MTRF1: variants seen among roughly 807,000 people sequenced by gnomAD.
The protein encoded by MTRF1 is peptide chain release factor 1, mitochondrial.
In MTRF1, 51 loss-of-function variants were observed where a neutral mutation model predicts 62.9. The observed-to-expected ratio is 0.81, with a 90% CI of 0.65 to 1.02. The LOEUF (loss-of-function observed/expected upper bound fraction) is 1.02, where lower values mean the gene tolerates loss of function less well. MTRF1 is among the 50% of genes least tolerant of loss of function. MTRF1 has a pLI of 0.00. For synonymous variants in MTRF1, 158 were observed against 181.9 expected, an observed-to-expected ratio of 0.87 and a Z score of 1.06; for missense variants, 446 against 530.0, an observed-to-expected ratio of 0.84 and a Z score of 1.56.
intron 2 of MTRF1, chr13:41,257,627 A>T (rs1409723219): frequency 4.9e-6 from 1 of 204,782 alleles, no homozygotes; most frequent in Non-Finnish European, 1.1e-5. Flanking sequence ...GTGAGACCTC[A>T]TCTTTACTAA....
At chr13:41,253,098 C>A in intron 3 of MTRF1, 68 bp from the exon 4 acceptor site, 1 of 1,186,308 alleles carries the variant, frequency 8.4e-7, no homozygotes, top group Non-Finnish European at 1.2e-6. Flanking sequence ...AAATAAAGGC[C>A]CGAAAAACAT....
At position 41,240,341 on chromosome 13, in the gene MTRF1, G is replaced by A. The variant is rs780072295; in HGVS notation, c.790C>T (p.Pro264Ser). ...ATCCTTGAGGACAGGCCCACCTCGG[G>A]GATGCGCTGAACTCGGTGAATCCCA... is the stretch of plus-strand genomic sequence containing the variant. ...EGGIHRVQRI[P>S]EVGLSSRMQR... The change falls in exon 6 of 10, where the codon CCC (proline) becomes TCC (serine). Residue 264 changes from proline (P) to serine (S), a missense_variant. Pro to Ser is a moderately conservative substitution (Grantham distance 74). Transcript: ENST00000379480. 3 of 1,613,958 alleles carry A rather than the reference G, an allele frequency of 1.9e-6. No individual in the cohort carries two copies. The highest frequency in any genetic ancestry group is 3.3e-5 in the Admixed American group (2 of 60,012).
At chr13:41,289,932 T>A in the MTRF1 span, among the ~76,000 whole-genome samples, 1 of 152,156 alleles carries the variant, frequency 6.6e-6, no homozygotes, top group Non-Finnish European at 1.5e-5. Flanking sequence ...CTTCTTCAAG[T>A]ATCTCAACAA....
At chr13:41,297,898 C>T in the MTRF1 span, among the ~76,000 whole-genome samples, 1 of 152,056 alleles carries the variant, frequency 6.6e-6, no homozygotes, top group Non-Finnish European at 1.5e-5. Flanking sequence ...TAAAACTGTT[C>T]ACTATTTAAC....
chr13:41,280,821 C>G, the MTRF1 span, among the ~76,000 whole-genome samples: 1 of 152,080 alleles, frequency 6.6e-6, no homozygotes, highest in Non-Finnish European at 1.5e-5. Flanking sequence ...AAGGTACAAC[C>G]CATCTCCATC....
chr13:41,274,208 A>G, the MTRF1 span, among the ~76,000 whole-genome samples: 1 of 152,208 alleles, frequency 6.6e-6, no homozygotes, highest in African/African-American at 2.4e-5. Flanking sequence ...TTTTGGTTAC[A>G]AGGAAGTAGG....
chr13:41,276,165 T>C, the MTRF1 span, among the ~76,000 whole-genome samples: 66 of 151,726 alleles, frequency 4.3e-4, no homozygotes, highest in Non-Finnish European at 8.4e-4. Flanking sequence ...ATTCTCTTCA[T>C]CTAATCAGTT....
At chr13:41,240,215 A>G in intron 6 of MTRF1, 46 bp downstream of exon 6, 1 of 1,532,558 alleles carries the variant, frequency 6.5e-7, no homozygotes, top group Non-Finnish European at 8.8e-7. Flanking sequence ...CCAGCACAAT[A>G]CCCGTTGACA....
intron 2 of MTRF1, among the ~76,000 whole-genome samples, chr13:41,256,460 G>A (rs2039739372): frequency 6.6e-6 from 1 of 151,828 alleles, no homozygotes; most frequent in African/African-American, 2.4e-5. Context: ...CCGAGTAGTT[G>A]AGATTACAGG....
chr13:41,274,692 A>ATAATAT, the MTRF1 span, among the ~76,000 whole-genome samples: 1 of 150,068 alleles, frequency 6.7e-6, no homozygotes, highest in African/African-American at 2.5e-5. Flanking sequence ...AATAATAATA[A>ATAATAT]TATTATTTTT....
At chr13:41,229,854 A>T (rs931099718) in intron 7 of MTRF1, among the ~76,000 whole-genome samples, 1 of 152,180 alleles carries the variant, frequency 6.6e-6, no homozygotes, top group Admixed American at 6.5e-5. Flanking sequence ...TAATCCCAGC[A>T]CTTTGGGAGG....
chr13:41,260,381 T>TG, intron 2 of MTRF1, 112 bp downstream of exon 2: 1 of 1,081,022 alleles, frequency 9.3e-7, no homozygotes, highest in Non-Finnish European at 1.3e-6. Flanking sequence ...AAGACTAAGT[T>TG]CAATAAAGCT....
chr13:41,286,338 GA>G, the MTRF1 span, among the ~76,000 whole-genome samples: 1 of 152,172 alleles, frequency 6.6e-6, no homozygotes, highest in African/African-American at 2.4e-5. Context: ...ATTCTAGCCA[GA>G]ACACTTGATC....
At chr13:41,305,019 A>G in the MTRF1 span, among the ~76,000 whole-genome samples, 1 of 152,244 alleles carries the variant, frequency 6.6e-6, no homozygotes, top group Admixed American at 6.5e-5. Flanking sequence ...CACAGAAGCC[A>G]AATCTTAAGT....
chr13:41,294,813 G>A, the MTRF1 span, among the ~76,000 whole-genome samples: 1 of 152,058 alleles, frequency 6.6e-6, no homozygotes, highest in Non-Finnish European at 1.5e-5. Context: ...TGATCAGGTT[G>A]GCTATAATTA....
the MTRF1 span, among the ~76,000 whole-genome samples, chr13:41,309,226 G>A: frequency 6.6e-6 from 1 of 151,792 alleles, no homozygotes; most frequent in Non-Finnish European, 1.5e-5. Flanking sequence ...TGCCCAGGCT[G>A]GAGTGCAGTG....
the MTRF1 span, among the ~76,000 whole-genome samples, chr13:41,308,371 CT>C: frequency 6.6e-6 from 1 of 152,190 alleles, no homozygotes; most frequent in African/African-American, 2.4e-5. Context: ...CAAGTGAGGG[CT>C]TGACTGACGC....
rs1478855460 is a variant in MTRF1 at position 41,217,054 on chromosome 13, G to T, written c.*61C>A. The T allele has an allele frequency of 7.9e-6, 7 of 885,132 alleles. No individual in the cohort carries two copies. The highest frequency in any genetic ancestry group is 1.2e-5 in the Non-Finnish European group (7 of 572,334). 54.8% of individuals were successfully genotyped at this position (885,132 alleles called of 1,614,324 possible). ...TATTCATAATGATTTCCAAGCTTCA[G>T]TCTGCCTCTTGATATAGGTCCATTT... On this transcript the variant is annotated 3_prime_UTR_variant, in exon 10 of 10. Coordinates refer to ENST00000379480, the MANE Select transcript of MTRF1 (RefSeq NM_004294.4).
At chr13:41,234,074 T>C (rs1039393152) in intron 6 of MTRF1, 67 bp from the exon 7 acceptor site, 2 of 1,221,238 alleles carry the variant, frequency 1.6e-6, no homozygotes, top group Non-Finnish European at 2.4e-6. Context: ...GATTCCAAGA[T>C]TTTTCAAATA....
Sources: allele counts gnomAD v4.1 joint callset (sites outside exome capture counted in the v4.1 genomes callset), GRCh38; gene constraint gnomAD v4.1.1; transcripts MANE v1.5; gene names NCBI Gene and HGNC (gene_info 2026-07-23, HGNC 2026-07-21).